The following NCOR2 variants were observed in gnomAD, a reference collection of about 807,000 sequenced individuals.
NCOR2 encodes CTG repeat protein 26.
A neutral mutation model predicts 262.9 loss-of-function variants in NCOR2; 81 were observed. That is an observed-to-expected ratio of 0.31 (90% CI 0.26 to 0.37). The LOEUF is 0.37. Among genes scored for constraint, NCOR2 ranks in the 10% least tolerant of loss-of-function variants. The probability of loss-of-function intolerance (pLI) is 1.00; values close to 1 mark genes in which losing one functional copy is unlikely to be tolerated. For missense variants in NCOR2, 3,385 were observed against 3,621.4 expected (o/e 0.93, Z 1.68); for synonymous variants, 1,659 against 1,559.3 (o/e 1.06, Z -1.51).
At chr12:124,409,326 C>T (rs570107249) in intron 13 of NCOR2, among the ~76,000 whole-genome samples, 13 of 152,338 alleles carry the variant, frequency 8.5e-5, no homozygotes, top group African/African-American at 2.2e-4. Flanking sequence ...GAAGATGGCC[C>T]GCATGTTCCT....
At chr12:124,354,011 T>C (rs577796982) in intron 27 of NCOR2, 82 bp downstream of exon 29, 2 of 1,265,670 alleles carry the variant, frequency 1.6e-6, no homozygotes, top group Admixed American at 3.9e-5. Context: ...GGCTAATGGT[T>C]TGGTGACAAT....
intron 19 of NCOR2, among the ~76,000 whole-genome samples, chr12:124,374,155 G>T (rs910548318): frequency 6.6e-6 from 1 of 152,200 alleles, no homozygotes; most frequent in Non-Finnish European, 1.5e-5. Flanking sequence ...AATCAAACCC[G>T]GTCGGAGACC....
intron 1 of NCOR2, among the ~76,000 whole-genome samples, chr12:124,501,659 C>A (rs2048744559): frequency 6.6e-6 from 1 of 152,196 alleles, no homozygotes; most frequent in African/African-American, 2.4e-5. Flanking sequence ...CTAAGGGCAC[C>A]CGTCATATTG....
intron 8 of NCOR2, 94 bp downstream of exon 10, chr12:124,437,836 G>A (rs2044448377): frequency 1.3e-5 from 16 of 1,211,556 alleles, no homozygotes; most frequent in Admixed American, 6.3e-5. Context: ...ACACAGCTGC[G>A]GAACTGACAG....
rs901718219 is a variant in NCOR2, at chr12:124,517,360, C to G, written c.-118+18205G>C. Among the ~76,000 whole-genome samples the G allele has an allele frequency of 6.6e-6, 1 of 152,232 alleles. No individual in the cohort carries two copies. The highest frequency in any genetic ancestry group is 2.4e-5 in the African/African-American group (1 of 41,468). ...CAGGACAAATCACTCCCTCATCCCC[C>G]CGGTTTGCAACTAAAGGCTCCTTGT... On this transcript the variant is annotated intron_variant, in intron 1 of 46. Transcript: ENST00000404621. The surrounding 1 kb of genome is among the most constrained non-coding windows in gnomAD (Gnocchi z 7.6).
chr12:124,397,629 A>G (rs1223918149), intron 16 of NCOR2, among the ~76,000 whole-genome samples: 4 of 152,188 alleles, frequency 2.6e-5, no homozygotes, highest in Non-Finnish European at 4.4e-5. Context: ...AACCTGAGAC[A>G]GGTTTCCAAA....
rs2047504202 is a variant in NCOR2 at position 124,481,770 on chromosome 12, T to C, written c.411+1826A>G. ...GCTTGAGACAGGAGCCATGGATGGT[T>C]TGGAGCACAGGGGGGAACACACAGG... On this transcript the variant is annotated intron_variant, in intron 3 of 46. Coordinates refer to ENST00000405201, the Ensembl canonical transcript of NCOR2. This position sits in a 1 kb window ranked among gnomAD's most constrained non-coding sequence, Gnocchi z 4.6. Among the ~76,000 whole-genome samples, 1 of 151,958 alleles carries C rather than the reference T, an allele frequency of 6.6e-6. No individual in the cohort carries two copies. The highest frequency in any genetic ancestry group is 1.5e-5 in the Non-Finnish European group (1 of 67,960).
intron 7 of NCOR2, 51 bp downstream of exon 9, chr12:124,449,764 G>A (rs1232071638): frequency 1.9e-6 from 3 of 1,597,356 alleles, no homozygotes; most frequent in Non-Finnish European, 2.6e-6. Context: ...CTGAGAGCCT[G>A]CTCGCCCACC....
In NCOR2 at chr12:124,327,650, G is replaced by C. The variant is rs776645681; in HGVS notation, c.6959-17C>G. 2 of 1,580,538 alleles carry C rather than the reference G, an allele frequency of 1.3e-6. No individual in the cohort carries two copies. Among genetic ancestry groups the C allele is most frequent in the South Asian group, 1.1e-5 (1 of 89,880 alleles). On this transcript the variant is annotated splice_polypyrimidine_tract_variant and intron_variant, in intron 44 of 46. Coordinates refer to ENST00000405201, the Ensembl canonical transcript of NCOR2. Reference sequence around the variant, plus strand: ...TCATAAGGCCTGGGAGAGAGAGACAGACAGACAGACAGACACATGGGGGCC... The same window carrying C: ...TCATAAGGCCTGGGAGAGAGAGACACACAGACAGACAGACACATGGGGGCC...
intron 6 of NCOR2, among the ~76,000 whole-genome samples, chr12:124,456,290 G>A (rs1233283341): frequency 6.6e-6 from 1 of 152,170 alleles, no homozygotes; most frequent in East Asian, 1.9e-4. Flanking sequence ...TACCTTCAGT[G>A]CCCACCACGG....
rs2049912650 is a variant in NCOR2 at position 124,517,834 on chromosome 12, C to G, written c.-118+17731G>C. On this transcript the variant is annotated intron_variant, in intron 1 of 46. Coordinates refer to the NCOR2 transcript ENST00000404621. This position sits in a 1 kb window ranked among gnomAD's most constrained non-coding sequence, Gnocchi z 7.6. Reference sequence around the variant, plus strand: ...TTTCCGTGACTGCAGCAACTTCGTCCGATGAGACAGCCCTGCCCACCATCC... The same window carrying G: ...TTTCCGTGACTGCAGCAACTTCGTCGGATGAGACAGCCCTGCCCACCATCC... 6.6e-6 allele frequency among the ~76,000 whole-genome samples: 1 copy of G among 152,220 alleles called. No individual in the cohort carries two copies. The highest frequency in any genetic ancestry group is 1.9e-4 in the East Asian group (1 of 5,190).
At chr12:124,372,774 A>G (rs2039603372) in intron 19 of NCOR2, among the ~76,000 whole-genome samples, 164 bp from the exon 22 acceptor site, 2 of 151,988 alleles carry the variant, frequency 1.3e-5, no homozygotes, top group Admixed American at 6.5e-5. Context: ...CACCCCTGAG[A>G]CAAAGCCCCT....
At position 124,340,275 on chromosome 12, in the gene NCOR2, G is replaced by A. The variant is rs920671966; in HGVS notation, c.5488+19C>T. 11 of 1,608,202 alleles carry A rather than the reference G, an allele frequency of 6.8e-6. No homozygotes were observed. The African/African-American group carries it at 1.5e-4, about 21-fold the overall frequency. ...CACAAGGAGTCCCGGAGCGGGGGGTGGGGGCTCTGATGCCCTACCAGGTCT... is the reference window on the plus strand; with the variant it reads ...CACAAGGAGTCCCGGAGCGGGGGGTAGGGGCTCTGATGCCCTACCAGGTCT... On this transcript the variant is annotated intron_variant, in intron 36 of 46. Coordinates refer to ENST00000405201, the Ensembl canonical transcript of NCOR2.
Position 124,378,361 on chromosome 12 carries a change from C to T in NCOR2, c.2043G>A (p.Arg681=), listed in dbSNP as rs1565890705. ...CCGCCGCCGGCGCTTTCTTCTTCTT[C>T]CTCCGCGCGTTCCTCTCCTTCTCCT... Residue 681 remains arginine (R), a synonymous_variant, in exon 18 of 47, where the codon AGG becomes AGA. Coordinates refer to ENST00000405201, the Ensembl canonical transcript of NCOR2. The surrounding 1 kb of genome is among the most constrained non-coding windows in gnomAD (Gnocchi z 4.2). 1.9e-6 allele frequency: 3 copies of T among 1,613,444 alleles called. No individual in the cohort carries two copies. The highest frequency in any genetic ancestry group is 2.2e-5 in the East Asian group (1 of 44,868).
At chr12:124,429,663 G>A (rs760004960) in exon 10 of NCOR2, 10 of 1,609,416 alleles carry the variant, frequency 6.2e-6, no homozygotes, top group East Asian at 2.2e-5. Context: ...TGCTCGCTGC[G>A]GGCGGCCGAC....
intron 13 of NCOR2, among the ~76,000 whole-genome samples, chr12:124,415,513 G>C (rs113633034): frequency 8.5e-5 from 13 of 152,360 alleles, no homozygotes; most frequent in African/African-American, 1.4e-4. Context: ...CAGGCCTGTG[G>C]GGGGTGGCAG....
exon 40 of NCOR2, chr12:124,335,242 G>A (rs1237380938): frequency 2.5e-6 from 4 of 1,608,584 alleles, no homozygotes; most frequent in Admixed American, 1.7e-5. Context: ...GGCCGCAGGT[G>A]TGGGAGGTGG....
chr12:124,563,202 A>G (rs779693617), intron 1 of NCOR2, among the ~76,000 whole-genome samples: 10 of 152,178 alleles, frequency 6.6e-5, no homozygotes, highest in African/African-American at 2.4e-4. Context: ...GGAACTTCCA[A>G]TGCTAAATCA....
intron 33 of NCOR2, among the ~76,000 whole-genome samples, chr12:124,342,802 CAT>C (rs1269813724): frequency 6.6e-6 from 1 of 152,244 alleles, no homozygotes; most frequent in African/African-American, 2.4e-5. Context: ...TTTAACCCCA[CAT>C]GTCCTGCAAA....
Sources: allele counts gnomAD v4.1 joint callset (sites outside exome capture counted in the v4.1 genomes callset), GRCh38; gene constraint gnomAD v4.1.1; non-coding constraint Gnocchi (gnomAD v3.1); transcripts MANE v1.5; gene names NCBI Gene and HGNC (gene_info 2026-07-23, HGNC 2026-07-21).